ECHDC2: variants seen among roughly 807,000 people sequenced by gnomAD.
ECHDC2 encodes enoyl-CoA hydratase domain-containing protein 2, mitochondrial.
Under a neutral mutation model 40.6 loss-of-function variants are expected in ECHDC2, and 34 were observed. The observed-to-expected ratio is 0.84, with a 90% CI of 0.64 to 1.11. The LOEUF is 1.11. ECHDC2 is among the 50% of genes most tolerant of loss of function. ECHDC2 has a pLI of 0.00. For synonymous variants in ECHDC2, 162 were observed against 166.6 expected (o/e 0.97, Z 0.21); for missense variants, 392 against 400.7 (o/e 0.98, Z 0.19).
Position 52,920,471 on chromosome 1 carries a change from C to T in ECHDC2, c.121+1082G>A, listed in dbSNP as rs538692875. On this transcript the variant is annotated intron_variant, in intron 1 of 9. Transcript: ENST00000371522. Reference sequence around the variant, plus strand: ...CAAGAATGCAGGCCAAGGAGATGGACGAGGAAGATAAGGCTTTCAAGCAGA... The same window carrying T: ...CAAGAATGCAGGCCAAGGAGATGGATGAGGAAGATAAGGCTTTCAAGCAGA... 231 of 1,453,186 alleles carry T rather than the reference C, an allele frequency of 1.6e-4. 1 individual carries two copies. In the South Asian group the frequency reaches 2.4e-3, roughly 15 times the overall value. 90.0% of individuals were successfully genotyped at this position (1,453,186 alleles called of 1,614,324 possible).
In ECHDC2 at chr1:52,905,041, C is replaced by A; in HGVS notation, c.507G>T (p.Pro169=). The change falls in exon 6 of 10, where the codon CCG becomes CCT. Residue 169 remains proline, a synonymous_variant. Transcript: ENST00000371522. ...TGCTGTAGTTGCGATTACCTGCCCC[C>A]GGGAGGAGCCCTCGCGTGGTCTCAA... ...GLIETTRGLL[P]GAGGTQRLPR... 1.2e-6 allele frequency: 2 copies of A among 1,614,166 alleles called. No individual in the cohort carries two copies. The highest frequency in any genetic ancestry group is 1.7e-6 in the Non-Finnish European group (2 of 1,180,018).
In ECHDC2 at chr1:52,896,431, A is replaced by G. The variant is rs1303277321; in HGVS notation, c.*89T>C. On this transcript the variant is annotated 3_prime_UTR_variant, in exon 10 of 10. Transcript: ENST00000371522. ...GAAGAAATGGAAGTCTGGAGAGGTG[A>G]AATGATGAAGGCAATCTGGCCACAA... is the stretch of plus-strand genomic sequence containing the variant. The G allele has an allele frequency of 1.9e-6, 2 of 1,027,088 alleles. No individual in the cohort carries two copies. The highest frequency in any genetic ancestry group is 1.6e-5 in the African/African-American group (1 of 63,608). The allele number at this position is 1,027,088 out of a possible 1,614,324, so 63.6% of individuals were successfully genotyped here.
chr1:52,920,541 G>A (rs957139663), intron 1 of ECHDC2: 6 of 1,500,962 alleles, frequency 4.0e-6, no homozygotes, highest in Middle Eastern at 2.4e-4. Context: ...AAAATGGAAG[G>A]CCACGGGGAA....
upstream of ECHDC2, chr1:52,921,755 G>A: frequency 7.0e-7 from 1 of 1,421,058 alleles, no homozygotes; most frequent in Non-Finnish European, 9.2e-7. Flanking sequence ...TTCCGGCGTC[G>A]GGCGAAGCCT....
intron 1 of ECHDC2, among the ~76,000 whole-genome samples, chr1:52,920,144 G>A (rs923587570): frequency 2.6e-5 from 4 of 152,180 alleles, no homozygotes; most frequent in Admixed American, 2.6e-4. Flanking sequence ...AAGAGCTGTT[G>A]CCAGTTGGGT....
chr1:52,906,345 A>C (rs1458162883), intron 5 of ECHDC2, 174 bp downstream of exon 5: 1 of 698,690 alleles, frequency 1.4e-6, no homozygotes, highest in Admixed American at 2.0e-5. Context: ...TAATGGCTGC[A>C]CCAGGAGGGG....
At chr1:52,920,703 G>A in intron 1 of ECHDC2, 1 of 600,532 alleles carries the variant, frequency 1.7e-6, no homozygotes, top group East Asian at 2.8e-5. Context: ...GGAATTAAGT[G>A]TTGTCTTGGA....
intron 1 of ECHDC2, among the ~76,000 whole-genome samples, chr1:52,921,172 G>T (rs1557526095): frequency 6.6e-6 from 1 of 152,218 alleles, no homozygotes; most frequent in Non-Finnish European, 1.5e-5. Flanking sequence ...ACTGGGACTG[G>T]CTCCGCTGCC....
intron 4 of ECHDC2, chr1:52,907,448 C>T (rs1242834456): frequency 1.1e-5 from 2 of 174,230 alleles, no homozygotes; most frequent in African/African-American, 4.8e-5. Flanking sequence ...ATTATTGACC[C>T]AGGATCATCA....
chr1:52,920,714 G>C, intron 1 of ECHDC2: 1 of 586,198 alleles, frequency 1.7e-6, no homozygotes, highest in Non-Finnish European at 3.1e-6. Context: ...TTGTCTTGGA[G>C]CTGTTGTACA....
chr1:52,913,839 C>T lies in ECHDC2; in HGVS notation c.122-2049G>A, dbSNP rs924536881. ...TACACTCTGTGGGTTTACACAGATG[C>T]ATAATGACACGTATCTGCCTTGGCT... On this transcript the variant is annotated intron_variant, in intron 1 of 9. Coordinates refer to ENST00000371522, the MANE Select transcript of ECHDC2 (RefSeq NM_001198961.2). The T allele has an allele frequency of 8.4e-6, 7 of 834,272 alleles. No homozygotes were observed. The South Asian group carries it at 1.6e-4, about 18-fold the overall frequency. The allele number at this position is 834,272 out of a possible 1,614,324, so 51.7% of individuals were successfully genotyped here.
At chr1:52,903,658 G>A (rs1187314100) in intron 7 of ECHDC2, among the ~76,000 whole-genome samples, 1 of 151,698 alleles carries the variant, frequency 6.6e-6, no homozygotes, top group Non-Finnish European at 1.5e-5. Flanking sequence ...CTAACACTTT[G>A]GGAGGCTGAG....
At chr1:52,911,922 A>G in intron 1 of ECHDC2, 132 bp from the exon 2 acceptor site, 1 of 1,492,482 alleles carries the variant, frequency 6.7e-7, no homozygotes. Flanking sequence ...GACTTGCCAC[A>G]AGTCACACAC....
chr1:52,901,005 A>G (rs1208991509), intron 7 of ECHDC2: 1 of 152,090 alleles, frequency 6.6e-6, no homozygotes, highest in Non-Finnish European at 1.5e-5. Context: ...CAAAAAATAA[A>G]AAATTAGCTG....
chr1:52,907,232 A>G (rs1426575700), intron 4 of ECHDC2: 2 of 152,198 alleles, frequency 1.3e-5, no homozygotes, highest in Non-Finnish European at 2.9e-5. Flanking sequence ...CTTTAGGGAA[A>G]GTTACAGAAT....
intron 9 of ECHDC2, 53 bp downstream of exon 9, chr1:52,897,384 C>G: frequency 6.3e-7 from 1 of 1,591,912 alleles, no homozygotes; most frequent in Non-Finnish European, 8.6e-7. Context: ...CAAAGTCCCT[C>G]TAGCCTGGCC....
intron 8 of ECHDC2, 50 bp downstream of exon 8, chr1:52,899,124 A>G (rs1557475159): frequency 1.2e-5 from 19 of 1,595,564 alleles, no homozygotes; most frequent in African/African-American, 2.7e-5. Flanking sequence ...ACTGTGTCCC[A>G]GCCGCGACCA....
chr1:52,919,242 C>G (rs984511084), intron 1 of ECHDC2, among the ~76,000 whole-genome samples: 1 of 152,216 alleles, frequency 6.6e-6, no homozygotes, highest in Non-Finnish European at 1.5e-5. Context: ...CACTCGCTGA[C>G]TCACCCAGTG....
chr1:52,898,425 T>C (rs970390167), intron 8 of ECHDC2: 2 of 152,546 alleles, frequency 1.3e-5, no homozygotes, highest in Non-Finnish European at 2.9e-5. Context: ...TTTCACTGTG[T>C]TAGCCAGGAT....
Sources: allele counts gnomAD v4.1 joint callset (sites outside exome capture counted in the v4.1 genomes callset), GRCh38; gene constraint gnomAD v4.1.1; transcripts MANE v1.5; gene names NCBI Gene and HGNC (gene_info 2026-07-23, HGNC 2026-07-21).